Variants in ZBTB45 observed in about 807,000 individuals in gnomAD.
The protein encoded by ZBTB45 is zinc finger and BTB domain containing 45.
Under a neutral mutation model 28.4 loss-of-function variants are expected in ZBTB45, and 22 were observed. The ratio of observed to expected loss-of-function variants is 0.77; its 90% CI spans 0.55 to 1.10. The LOEUF is 1.10. Among genes scored for constraint, ZBTB45 ranks in the 50% least tolerant of loss-of-function variants. ZBTB45 has a pLI of 0.00. For missense variants in ZBTB45, 656 were observed against 750.2 expected (o/e 0.87, Z 1.47); for synonymous variants, 361 against 332.3 (o/e 1.09, Z -0.94).
At chr19:58,524,870 G>A (rs1374317539) in intron 1 of ZBTB45, among the ~76,000 whole-genome samples, 6 of 146,878 alleles carry the variant, frequency 4.1e-5, no homozygotes, top group Middle Eastern at 3.5e-3. Context: ...GCGACAGAGT[G>A]AGACTCCGTC....
At chr19:58,538,041 T>C (rs2053669951) in intron 1 of ZBTB45, among the ~76,000 whole-genome samples, 1 of 151,890 alleles carries the variant, frequency 6.6e-6, no homozygotes, top group Non-Finnish European at 1.5e-5. Context: ...TTTCATCATA[T>C]TGGTCAGGCT....
intron 1 of ZBTB45, among the ~76,000 whole-genome samples, chr19:58,530,615 GTTA>G (rs2053631061): frequency 6.6e-6 from 1 of 151,624 alleles, no homozygotes; most frequent in Non-Finnish European, 1.5e-5. Flanking sequence ...CCTACTTTTA[GTTA>G]TTATGAATAG....
intron 1 of ZBTB45, among the ~76,000 whole-genome samples, chr19:58,535,094 A>G (rs2053653761): frequency 6.7e-6 from 1 of 149,954 alleles, no homozygotes; most frequent in African/African-American, 2.5e-5. Context: ...GCTGGTCTCG[A>G]ACTCCTGACC....
Position 58,513,728 on chromosome 19 carries a change from G to A in ZBTB45, c.*326C>T, listed in dbSNP as rs767089976. On this transcript the variant is annotated 3_prime_UTR_variant, in exon 3 of 3. Coordinates refer to ENST00000594051, the MANE Select transcript of ZBTB45 (RefSeq NM_001316979.2). ...CCCCCAGCCCCCACCACCACCCCAG[G>A]AGAGGGCGGGGTGAGAACCGGAGTC... is the stretch of plus-strand genomic sequence containing the variant. 3.6e-6 allele frequency: 1 copy of A among 274,860 alleles called. No individual in the cohort carries two copies. Among genetic ancestry groups the A allele is most frequent in the Admixed American group, 5.4e-5 (1 of 18,508 alleles). The allele number at this position is 274,860 out of a possible 1,614,324, so 17.0% of individuals were successfully genotyped here. A position where few individuals can be genotyped will look rare whatever the true frequency, so the allele number is the denominator to read the frequency against.
Position 58,537,530 on chromosome 19 carries a change from C to T in ZBTB45, c.-1+1171G>A, listed in dbSNP as rs567193858. Among the ~76,000 whole-genome samples the T allele has an allele frequency of 1.3e-4, 20 of 152,182 alleles. 1 individual carries two copies. Among genetic ancestry groups the T allele is most frequent in the African/African-American group, 4.8e-4 (20 of 41,512 alleles). ...GCAGGGGATCTAACATACCCCAGAC[C>T]CTGCTAGCTGTAGAGTAACCTCTCT... On this transcript the variant is annotated intron_variant, in intron 1 of 1. Transcript: ENST00000600130.
intron 1 of ZBTB45, among the ~76,000 whole-genome samples, chr19:58,531,382 G>A (rs550561293): frequency 2.1e-4 from 32 of 152,200 alleles, no homozygotes; most frequent in African/African-American, 6.3e-4. Flanking sequence ...CAACCCTAAC[G>A]TGGGGCACTG....
At chr19:58,526,856 T>A (rs1262458666) in intron 1 of ZBTB45, among the ~76,000 whole-genome samples, 1 of 147,434 alleles carries the variant, frequency 6.8e-6, no homozygotes, top group Admixed American at 6.7e-5. Context: ...GAGACAGGGT[T>A]TCACTCTGTC....
At position 58,516,499 on chromosome 19, in the gene ZBTB45, G is replaced by A; in HGVS notation, c.1175C>T (p.Pro392Leu). 6.2e-7 allele frequency: 1 copy of A among 1,613,786 alleles called. No homozygotes were observed. The change falls in exon 2 of 3, where the codon CCT (proline) becomes CTT (leucine). Residue 392 changes from proline (P) to leucine (L), a missense_variant. This residue lies in a region of ZBTB45 where 448 missense variants were observed against 444.3 expected (regional missense o/e 1.01). Transcript: ENST00000594051. The surrounding 1 kb of genome is among the most constrained non-coding windows in gnomAD (Gnocchi z 6.2). ...TGGCTCAGCACCTGGGGTGCGAGCA[G>A]GGGTGCCTGAGGGGGCCGTGGTGGG... is the stretch of plus-strand genomic sequence containing the variant. Reference protein sequence around the residue: ...AAPTTAPSGTPARTPGAEPPT... With the variant: ...AAPTTAPSGTLARTPGAEPPT...
chr19:58,523,521 G>A (rs2053589292), upstream of ZBTB45, among the ~76,000 whole-genome samples: 1 of 151,916 alleles, frequency 6.6e-6, no homozygotes, highest in Non-Finnish European at 1.5e-5. Context: ...ATCTCTAGCT[G>A]GGCATGGTGG....
In ZBTB45 at chr19:58,516,996, G is replaced by A. The variant is rs750818992; in HGVS notation, c.678C>T (p.Gly226=). 7.2e-5 allele frequency: 116 copies of A among 1,613,026 alleles called. No homozygotes were observed. The highest frequency in any genetic ancestry group is 1.6e-4 in the Middle Eastern group (1 of 6,080). The change falls in exon 2 of 3, where the codon GGC becomes GGT. Residue 226 remains glycine (G), a synonymous_variant. Transcript: ENST00000594051. The surrounding 1 kb of genome is among the most constrained non-coding windows in gnomAD (Gnocchi z 6.2). ...GAGGTGCCTGGCCCTCGCCTGGGCC[G>A]CCACCTTCGCCATCCTCGCCATCGG... The part of the protein sequence containing the change: ...DETDGEDGEG[G]GPGEGQAPPS...
rs539670110 is a variant in ZBTB45 at position 58,516,599 on chromosome 19, C to T, written c.1075G>A (p.Ala359Thr). The change falls in exon 2 of 3, where the codon GCC (alanine) becomes ACC (threonine). Residue 359 changes from alanine (A) to threonine (T), a missense_variant. This residue lies in a region of ZBTB45 where 448 missense variants were observed against 444.3 expected (regional missense o/e 1.01). Transcript: ENST00000594051. This position sits in a 1 kb window ranked among gnomAD's most constrained non-coding sequence, Gnocchi z 6.2. ...TCGGGCTGGAGTGTGGGGTAGAAGGCGGGTGGGGGCGCAGGGGCTGGCCCC... is the reference window on the plus strand; with the variant it reads ...TCGGGCTGGAGTGTGGGGTAGAAGGTGGGTGGGGGCGCAGGGGCTGGCCCC... The part of the protein sequence containing the change: ...PSGPAPAPPP[A>T]FYPTLQPEAA... The T allele has an allele frequency of 5.0e-5, 72 of 1,431,652 alleles. No homozygotes were observed. Among genetic ancestry groups the T allele is most frequent in the Middle Eastern group, 2.5e-4 (1 of 4,018 alleles). The allele number at this position is 1,431,652 out of a possible 1,614,324, so 88.7% of individuals were successfully genotyped here.
Position 58,514,147 on chromosome 19 carries a change from G to A in ZBTB45, c.1443C>T (p.His481=). The A allele has an allele frequency of 1.2e-6, 2 of 1,607,788 alleles. No homozygotes were observed. Among genetic ancestry groups the A allele is most frequent in the Non-Finnish European group, 1.7e-6 (2 of 1,177,524 alleles). Residue 481 remains histidine (H), a synonymous_variant, in exon 3 of 3, where the codon CAC becomes CAT. Coordinates refer to ENST00000594051, the MANE Select transcript of ZBTB45 (RefSeq NM_001316979.2). The stretch of plus-strand genomic sequence containing the variant: ...CGGGGCAGGGCGCGCGCTCGGGCCG[G>A]TGAGTGCGCATGTGCACGTTGAGCG... ...KSSLNVHMRT[H]RPERAPCPAC... is the part of the protein sequence containing the mutation.
upstream of ZBTB45, among the ~76,000 whole-genome samples, chr19:58,521,075 AAAAAAAAG>A (rs2053573788): frequency 7.5e-6 from 1 of 133,694 alleles, no homozygotes. Context: ...AAAAAAAAAA[AAAAAAAAG>A]GCCGGGCGCG....
intron 1 of ZBTB45, among the ~76,000 whole-genome samples, chr19:58,529,516 A>G (rs1036855062): frequency 6.6e-6 from 1 of 152,212 alleles, no homozygotes; most frequent in African/African-American, 2.4e-5. Context: ...GTCTAAAACA[A>G]TTTCCTCACT....
chr19:58,525,780 G>A lies in ZBTB45; in HGVS notation c.1-8107C>T, dbSNP rs78822215. Among the ~76,000 whole-genome samples, 660 of 152,232 alleles carry A rather than the reference G, an allele frequency of 4.3e-3. 4 individuals are homozygous for A. Among genetic ancestry groups the A allele is most frequent in the African/African-American group, 0.015 (623 of 41,550 alleles). On this transcript the variant is annotated intron_variant, in intron 1 of 1. Coordinates refer to the ZBTB45 transcript ENST00000600130. ...TCATATGTAAAATACAAAGAAGAAGGTACTACCAGCCCTGTGGACAGAGGC... is the reference window on the plus strand; with the variant it reads ...TCATATGTAAAATACAAAGAAGAAGATACTACCAGCCCTGTGGACAGAGGC...
At chr19:58,518,619 G>C (rs1411352008) in intron 1 of ZBTB45, among the ~76,000 whole-genome samples, 1 of 152,070 alleles carries the variant, frequency 6.6e-6, no homozygotes, top group African/African-American at 2.4e-5. Flanking sequence ...GAAAGGGGAG[G>C]GGGTAGTCCT....
At chr19:58,523,443 G>T (rs1388187118), upstream of ZBTB45, among the ~76,000 whole-genome samples, 1 of 151,710 alleles carries the variant, frequency 6.6e-6, no homozygotes, top group Non-Finnish European at 1.5e-5. Flanking sequence ...CACTTTGAGA[G>T]GCTGAGACAG....
At chr19:58,524,314 G>A (rs980715479), upstream of ZBTB45, among the ~76,000 whole-genome samples, 23 of 150,102 alleles carry the variant, frequency 1.5e-4, no homozygotes, top group Admixed American at 1.1e-3. Context: ...GCAGTGAGCC[G>A]AGATCGCGCC....
chr19:58,526,156 C>T (rs975532100), intron 1 of ZBTB45, among the ~76,000 whole-genome samples: 1 of 152,188 alleles, frequency 6.6e-6, no homozygotes, highest in Non-Finnish European at 1.5e-5. Flanking sequence ...CCAGACCAGC[C>T]TGACCTCCCA....
Sources: gnomAD v4.1 joint callset for allele counts (sites outside exome capture counted in the v4.1 genomes callset) on GRCh38, gnomAD v4.1.1 for gene constraint, gnomAD v4.1.1 regional missense constraint, Gnocchi (gnomAD v3.1) non-coding constraint, MANE v1.5 for transcripts, NCBI Gene and HGNC (gene_info 2026-07-23, HGNC 2026-07-21) for gene names.